TAFA4: variants seen among roughly 807,000 people sequenced by gnomAD.
TAFA4 encodes TAFA chemokine like family member 4, also known as chemokine-like protein TAFA-4.
In TAFA4, 20 loss-of-function variants were observed where a neutral mutation model predicts 21.1. The observed-to-expected ratio is 0.95, with a 90% confidence interval of 0.67 to 1.38. The LOEUF is 1.38. TAFA4 is among the 40% of genes most tolerant of loss of function. The pLI is 0.00. For missense variants in TAFA4, 211 were observed against 180.9 expected (o/e 1.17, Z -0.95); for synonymous variants, 71 against 67.4 (o/e 1.05, Z -0.26).
At chr3:68,805,442 TC>T (rs1559526755) in intron 3 of TAFA4, among the ~76,000 whole-genome samples, 1 of 152,202 alleles carries the variant, frequency 6.6e-6, no homozygotes, top group Non-Finnish European at 1.5e-5. Context: ...GACCCAGCCA[TC>T]CCATTACTGG....
At chr3:68,909,977 G>A (rs2089944334) in intron 1 of TAFA4, among the ~76,000 whole-genome samples, 1 of 152,108 alleles carries the variant, frequency 6.6e-6, no homozygotes, top group African/African-American at 2.4e-5. Flanking sequence ...CTTCATCCTT[G>A]TGACTGTAGG....
intron 3 of TAFA4, among the ~76,000 whole-genome samples, chr3:68,806,959 C>T (rs1427563815): frequency 6.6e-6 from 1 of 152,154 alleles, no homozygotes; most frequent in Non-Finnish European, 1.5e-5. Flanking sequence ...CTAACATGTA[C>T]CAGAAACTAG....
At chr3:68,776,719 G>A (rs752205976) in intron 3 of TAFA4, among the ~76,000 whole-genome samples, 12 of 152,096 alleles carry the variant, frequency 7.9e-5, no homozygotes, top group South Asian at 2.1e-4. Flanking sequence ...TTTTCAGCAC[G>A]TGTTAAGTTT....
At chr3:68,810,608 G>A (rs1207328629) in intron 3 of TAFA4, among the ~76,000 whole-genome samples, 2 of 152,186 alleles carry the variant, frequency 1.3e-5, no homozygotes, top group African/African-American at 4.8e-5. Context: ...ACTGCAAGGT[G>A]GCAGTGAGGC....
intron 1 of TAFA4, among the ~76,000 whole-genome samples, chr3:68,901,331 T>A (rs1029263136): frequency 2.0e-5 from 3 of 151,756 alleles, no homozygotes; most frequent in African/African-American, 4.9e-5. Context: ...AAAAAAAAAA[T>A]TCTTATCTTT....
At chr3:68,879,989 A>C (rs1204844181) in intron 3 of TAFA4, among the ~76,000 whole-genome samples, 1 of 152,172 alleles carries the variant, frequency 6.6e-6, no homozygotes, top group Non-Finnish European at 1.5e-5. Context: ...TTATTCAGGA[A>C]AACACAATTT....
intron 3 of TAFA4, among the ~76,000 whole-genome samples, chr3:68,765,500 C>T (rs1375974744): frequency 6.6e-6 from 1 of 152,110 alleles, no homozygotes; most frequent in Non-Finnish European, 1.5e-5. Context: ...CTATATATGT[C>T]ATTAAGTATC....
intron 3 of TAFA4, among the ~76,000 whole-genome samples, chr3:68,778,820 A>G (rs773765766): frequency 2.6e-5 from 4 of 152,200 alleles, no homozygotes; most frequent in Non-Finnish European, 2.9e-5. Context: ...ACAGGCTAAT[A>G]CAATAAATTG....
chr3:68,744,493 G>C (rs913941130), intron 4 of TAFA4, among the ~76,000 whole-genome samples: 2 of 152,238 alleles, frequency 1.3e-5, no homozygotes, highest in African/African-American at 4.8e-5. Context: ...AAGAGCAACT[G>C]AGGTGGGAGT....
chr3:68,854,126 G>A (rs531350250), intron 3 of TAFA4, among the ~76,000 whole-genome samples: 4 of 152,202 alleles, frequency 2.6e-5, no homozygotes, highest in East Asian at 1.9e-4. Flanking sequence ...GTGACTTGGT[G>A]GAAGAGGAGA....
chr3:68,740,775 T>C (rs1702334088), intron 4 of TAFA4, among the ~76,000 whole-genome samples: 1 of 152,168 alleles, frequency 6.6e-6, no homozygotes, highest in African/African-American at 2.4e-5. Context: ...AGTTTCATAG[T>C]TTCACTTCAC....
chr3:68,793,400 G>A (rs987840969), intron 3 of TAFA4, among the ~76,000 whole-genome samples: 3 of 152,130 alleles, frequency 2.0e-5, no homozygotes, highest in African/African-American at 7.2e-5. Flanking sequence ...TTCATTTCAG[G>A]GTTTGGTTTT....
chr3:68,920,032 C>T (rs565401793), intron 1 of TAFA4, among the ~76,000 whole-genome samples: 53 of 152,230 alleles, frequency 3.5e-4, no homozygotes, highest in African/African-American at 1.2e-3. Flanking sequence ...CAGTTAACAC[C>T]ATATATGACT....
chr3:68,882,926 T>C (rs2089633882), intron 2 of TAFA4: 1 of 152,188 alleles, frequency 6.6e-6, no homozygotes, highest in Admixed American at 6.5e-5. Flanking sequence ...ATGTTAGCAA[T>C]GTCTGAAGCA....
At chr3:68,868,439 C>A (rs1292943438) in intron 3 of TAFA4, among the ~76,000 whole-genome samples, 1 of 151,954 alleles carries the variant, frequency 6.6e-6, no homozygotes, top group Non-Finnish European at 1.5e-5. Context: ...CCAGCTGCTG[C>A]AAAATACACC....
At chr3:68,775,356 G>C (rs1206537218) in intron 3 of TAFA4, among the ~76,000 whole-genome samples, 2 of 152,114 alleles carry the variant, frequency 1.3e-5, no homozygotes, top group Admixed American at 1.3e-4. Context: ...CACAATGCTG[G>C]GGAGAGTAAT....
intron 3 of TAFA4, among the ~76,000 whole-genome samples, chr3:68,765,007 G>A (rs1439592285): frequency 6.6e-6 from 1 of 152,012 alleles, no homozygotes; most frequent in South Asian, 2.1e-4. Flanking sequence ...AAAAGACAAA[G>A]AAGCCAGAAG....
At chr3:68,895,898 G>A (rs531183809) in intron 1 of TAFA4, among the ~76,000 whole-genome samples, 13 of 152,296 alleles carry the variant, frequency 8.5e-5, no homozygotes, top group Non-Finnish European at 1.2e-4. Context: ...GAGACTAGCT[G>A]AGCTTGGAGG....
chr3:68,885,211 C>G lies in TAFA4; in HGVS notation c.-23G>C. 1 of 1,610,824 alleles carries G rather than the reference C, an allele frequency of 6.2e-7. No homozygotes were observed. Among genetic ancestry groups the G allele is most frequent in the Non-Finnish European group, 8.5e-7 (1 of 1,178,320 alleles). On this transcript the variant is annotated 5_prime_UTR_variant, in exon 2 of 6. Coordinates refer to ENST00000295569, the MANE Select transcript of TAFA4 (RefSeq NM_182522.5). ...CATAAGATGTGGTTCTAGTCAAACACACTTATTCCAGGATATATTTCAGAG... is the reference window on the plus strand; with the variant it reads ...CATAAGATGTGGTTCTAGTCAAACAGACTTATTCCAGGATATATTTCAGAG...
Sources: allele counts gnomAD v4.1 joint callset (sites outside exome capture counted in the v4.1 genomes callset), GRCh38; gene constraint gnomAD v4.1.1; transcripts MANE v1.5; gene names NCBI Gene and HGNC (gene_info 2026-07-23, HGNC 2026-07-21).